The following PTPN2 variants were observed in gnomAD, a reference collection of about 807,000 sequenced individuals.
PTPN2 encodes protein tyrosine phosphatase non-receptor type 2.
In PTPN2, 19 loss-of-function variants were observed where a neutral mutation model predicts 57.3. That is an observed-to-expected ratio of 0.33 (90% CI 0.23 to 0.49). The LOEUF is 0.49. Among genes scored for constraint, PTPN2 ranks in the 20% least tolerant of loss-of-function variants. PTPN2 has a pLI of 0.99. For synonymous variants in PTPN2, 153 were observed against 164.9 expected, an observed-to-expected ratio of 0.93 and a Z score of 0.55; for missense variants, 358 against 501.1, an observed-to-expected ratio of 0.71 and a Z score of 2.73.
intron 4 of PTPN2, among the ~76,000 whole-genome samples, chr18:12,829,276 G>T (rs1377314740): frequency 6.6e-6 from 1 of 152,098 alleles, no homozygotes; most frequent in Non-Finnish European, 1.5e-5. Context: ...AGCACTTTGG[G>T]AGGCCGAGGT....
intron 2 of PTPN2, among the ~76,000 whole-genome samples, chr18:12,855,870 G>C (rs2043570968): frequency 6.6e-6 from 1 of 152,210 alleles, no homozygotes; most frequent in African/African-American, 2.4e-5. Context: ...AGTTAGGTTA[G>C]AGGACAAAGT....
chr18:12,843,789 G>A (rs910222882), intron 2 of PTPN2: 2 of 152,606 alleles, frequency 1.3e-5, no homozygotes, highest in African/African-American at 4.8e-5. Flanking sequence ...AAAAGACACT[G>A]CTACAATCCA....
chr18:12,794,061 T>G lies in PTPN2; in HGVS notation c.*217A>C. Reference sequence around the variant, plus strand: ...CAGTTTTTAACAAACATGAATGTCTTTATTTTAGACAGCCATTTACAGTTT... The same window carrying G: ...CAGTTTTTAACAAACATGAATGTCTGTATTTTAGACAGCCATTTACAGTTT... On this transcript the variant is annotated 3_prime_UTR_variant, in exon 9 of 9. Transcript: ENST00000309660. The G allele has an allele frequency of 7.1e-7, 1 of 1,409,898 alleles. No homozygotes were observed. The highest frequency in any genetic ancestry group is 9.2e-7 in the Non-Finnish European group (1 of 1,088,170). 87.3% of individuals were successfully genotyped at this position (1,409,898 alleles called of 1,614,324 possible).
chr18:12,884,107 A>C lies in PTPN2; in HGVS notation c.35T>G (p.Leu12Trp). 6.3e-7 allele frequency: 1 copy of C among 1,588,112 alleles called. No individual in the cohort carries two copies. The highest frequency in any genetic ancestry group is 1.1e-5 in the South Asian group (1 of 87,386). ...PTTIEREFEE[L>W]DTQRRWQPLY... ...CGGCTGCCAGCGACGCTGAGTATCC[A>C]ACTCTTCGAACTCCCGCTCGATGGT... is the stretch of plus-strand genomic sequence containing the variant. Residue 12 changes from leucine (L) to tryptophan (W), a missense_variant, in exon 1 of 9, where the codon TTG (leucine) becomes TGG (tryptophan). Coordinates refer to ENST00000309660, the MANE Select transcript of PTPN2 (RefSeq NM_002828.4).
intron 5 of PTPN2, among the ~76,000 whole-genome samples, chr18:12,821,043 TATA>T (rs2042253609): frequency 6.6e-6 from 1 of 152,184 alleles, no homozygotes; most frequent in South Asian, 2.1e-4. Flanking sequence ...ATCATAAATA[TATA>T]ATAAGATTAT....
intron 2 of PTPN2, among the ~76,000 whole-genome samples, chr18:12,850,128 C>CT (rs911438235): frequency 4.0e-4 from 60 of 151,446 alleles, no homozygotes; most frequent in East Asian, 7.7e-4. Flanking sequence ...CTTCTTTCTG[C>CT]TTTTTTTTTC....
intron 1 of PTPN2, among the ~76,000 whole-genome samples, chr18:12,873,950 G>C (rs886481846): frequency 2.7e-5 from 4 of 150,626 alleles, no homozygotes; most frequent in African/African-American, 9.9e-5. Context: ...ACCCCGTCTG[G>C]GAGGTGAGGA....
At chr18:12,790,408 G>T (rs1274061207), downstream of PTPN2, among the ~76,000 whole-genome samples, 1 of 152,174 alleles carries the variant, frequency 6.6e-6, no homozygotes, top group Non-Finnish European at 1.5e-5. Flanking sequence ...TCTAGTCAGG[G>T]ATATTTTTTC....
intron 2 of PTPN2, among the ~76,000 whole-genome samples, chr18:12,853,883 AGAGAG>A (rs774888951): frequency 4.6e-5 from 7 of 152,196 alleles, no homozygotes; most frequent in Non-Finnish European, 1.0e-4. Flanking sequence ...CAGCACTATT[AGAGAG>A]GAGAGTGGAA....
chr18:12,841,846 G>A (rs1227930380), intron 2 of PTPN2, among the ~76,000 whole-genome samples: 1 of 151,992 alleles, frequency 6.6e-6, no homozygotes, highest in African/African-American at 2.4e-5. Flanking sequence ...TTCCTCTTTG[G>A]TAGCTTGTAT....
chr18:12,812,674 T>C lies in PTPN2; in HGVS notation c.858+1529A>G, dbSNP rs8084860. ...CAACTTTATCAGTAATCACTTCATATGCCGATGGTCTAAATGCACCAATTA... is the reference window on the plus strand; with the variant it reads ...CAACTTTATCAGTAATCACTTCATACGCCGATGGTCTAAATGCACCAATTA... On this transcript the variant is annotated intron_variant, in intron 7 of 8. Transcript: ENST00000309660. Among the ~76,000 whole-genome samples the C allele has an allele frequency of 1.7e-3, 255 of 152,312 alleles. 2 individuals are homozygous for C. The highest frequency in any genetic ancestry group is 5.7e-3 in the African/African-American group (238 of 41,580).
intron 1 of PTPN2, chr18:12,883,571 C>G (rs1347041572): frequency 6.6e-6 from 1 of 152,148 alleles, no homozygotes; most frequent in Non-Finnish European, 1.5e-5. Flanking sequence ...CGCGGCCCGG[C>G]TCGCCCGCCC....
At chr18:12,821,286 A>T (rs2042262178) in intron 5 of PTPN2, 2 of 152,228 alleles carry the variant, frequency 1.3e-5, no homozygotes, top group African/African-American at 4.8e-5. Context: ...ATCCCTGCAC[A>T]TGGTAAATGC....
At chr18:12,866,213 T>C (rs2043986393) in intron 1 of PTPN2, among the ~76,000 whole-genome samples, 1 of 151,206 alleles carries the variant, frequency 6.6e-6, no homozygotes, top group Non-Finnish European at 1.5e-5. Flanking sequence ...CCGAGGCAGG[T>C]GGATCACGAG....
intron 2 of PTPN2, among the ~76,000 whole-genome samples, chr18:12,852,926 C>T (rs973863780): frequency 6.6e-6 from 1 of 152,132 alleles, no homozygotes; most frequent in South Asian, 2.1e-4. Flanking sequence ...GTTCAGGCTA[C>T]CATTCTTTTT....
At chr18:12,876,616 G>C (rs2044501532) in intron 1 of PTPN2, among the ~76,000 whole-genome samples, 1 of 152,216 alleles carries the variant, frequency 6.6e-6, no homozygotes, top group African/African-American at 2.4e-5. Flanking sequence ...ATGATTTCTA[G>C]GTATACATTC....
At chr18:12,820,258 T>G (rs560887755) in intron 5 of PTPN2, among the ~76,000 whole-genome samples, 9 of 152,256 alleles carry the variant, frequency 5.9e-5, no homozygotes, top group South Asian at 4.1e-4. Flanking sequence ...AGTTGTTGTT[T>G]TTTTTCCCCC....
chr18:12,819,602 A>C (rs1305464125), intron 5 of PTPN2, among the ~76,000 whole-genome samples: 3 of 152,186 alleles, frequency 2.0e-5, no homozygotes, highest in Non-Finnish European at 4.4e-5. Flanking sequence ...TGCACTGTCA[A>C]AAGTCACAAC....
chr18:12,793,791 C>A lies in PTPN2; in HGVS notation c.*487G>T. 2.1e-6 allele frequency: 2 copies of A among 935,456 alleles called. No individual in the cohort carries two copies. The highest frequency in any genetic ancestry group is 2.6e-6 in the Non-Finnish European group (2 of 782,866). The allele number at this position is 935,456 out of a possible 1,614,324, so 57.9% of individuals were successfully genotyped here. ...AATAGATACTTATAAAATATATTTA[C>A]CCTGAAATGCTTAAGAATAAAAGTG... On this transcript the variant is annotated 3_prime_UTR_variant, in exon 9 of 9. Transcript: ENST00000309660.
Sources: allele counts gnomAD v4.1 joint callset (sites outside exome capture counted in the v4.1 genomes callset), GRCh38; gene constraint gnomAD v4.1.1; transcripts MANE v1.5; gene names NCBI Gene and HGNC (gene_info 2026-07-23, HGNC 2026-07-21).